USP6NL: variants seen among roughly 807,000 people sequenced by gnomAD.
USP6NL encodes the protein USP6 N-terminal like.
USP6NL carries 26 observed loss-of-function variants against 61.9 expected under a neutral mutation model. The observed-to-expected ratio is 0.42, with a 90% CI of 0.31 to 0.58. The LOEUF (loss-of-function observed/expected upper bound fraction) is 0.58, where lower values mean the gene tolerates loss of function less well. USP6NL is among the 20% of genes least tolerant of loss of function. The probability of loss-of-function intolerance (pLI) is 0.16; values close to 1 mark genes in which losing one functional copy is unlikely to be tolerated. For missense variants in USP6NL, 1,114 were observed against 1,034.3 expected, an observed-to-expected ratio of 1.08 and a Z score of -1.06; for synonymous variants, 432 against 390.1, an observed-to-expected ratio of 1.11 and a Z score of -1.27.
intron 1 of USP6NL, among the ~76,000 whole-genome samples, chr10:11,599,800 C>T (rs1838454195): frequency 6.7e-6 from 1 of 148,930 alleles, no homozygotes; most frequent in African/African-American, 2.5e-5. Context: ...GCTGGGACTA[C>T]AGGGACCTGC....
chr10:11,543,231 C>A (rs952252468), intron 2 of USP6NL, among the ~76,000 whole-genome samples: 13 of 152,052 alleles, frequency 8.5e-5, no homozygotes, highest in African/African-American at 3.1e-4. Flanking sequence ...ATATATATTT[C>A]TTCAATATTA....
intron 2 of USP6NL, among the ~76,000 whole-genome samples, chr10:11,588,857 C>T (rs1365180547): frequency 6.6e-6 from 1 of 152,102 alleles, no homozygotes; most frequent in Non-Finnish European, 1.5e-5. Flanking sequence ...CATGTGAGAA[C>T]CAAATTCCTT....
At position 11,510,847 on chromosome 10, in the gene USP6NL, G is replaced by T. The variant is rs971605753; in HGVS notation, c.196-1172C>A. Among the ~76,000 whole-genome samples the T allele has an allele frequency of 6.6e-6, 1 of 152,218 alleles. No homozygotes were observed. Among genetic ancestry groups the T allele is most frequent in the Non-Finnish European group, 1.5e-5 (1 of 68,030 alleles). On this transcript the variant is annotated intron_variant, in intron 5 of 14. Transcript: ENST00000609104. The surrounding 1 kb of genome is among the most constrained non-coding windows in gnomAD (Gnocchi z 4.8). ...CCCCTCTCATAAGTGGTAGAAGACG[G>T]ATTCAAAGCCAGGCAAGCCTGGCTC...
chr10:11,593,686 C>A (rs1431334889), intron 2 of USP6NL, among the ~76,000 whole-genome samples: 1 of 152,162 alleles, frequency 6.6e-6, no homozygotes, highest in African/African-American at 2.4e-5. Context: ...AGCCTCAGAA[C>A]GTGATAGCCT....
chr10:11,567,574 GTTAT>G (rs1283808480), intron 2 of USP6NL, among the ~76,000 whole-genome samples: 1 of 152,158 alleles, frequency 6.6e-6, no homozygotes, highest in East Asian at 1.9e-4. Flanking sequence ...AGCTGACACA[GTTAT>G]AGAAATTAAC....
intron 2 of USP6NL, among the ~76,000 whole-genome samples, chr10:11,579,963 C>T (rs56044668): frequency 3.9e-5 from 4 of 102,284 alleles, no homozygotes; most frequent in Non-Finnish European, 8.5e-5. Context: ...TGGAGAGTGG[C>T]GGGGGGGGGG....
intron 8 of USP6NL, among the ~76,000 whole-genome samples, chr10:11,492,331 C>T (rs1833738486): frequency 6.6e-6 from 1 of 152,228 alleles, no homozygotes; most frequent in South Asian, 2.1e-4. Context: ...AAACACTGAT[C>T]TAGGTGTCAC....
chr10:11,536,208 AC>A (rs1566165446), intron 2 of USP6NL, among the ~76,000 whole-genome samples: 1 of 152,184 alleles, frequency 6.6e-6, no homozygotes, highest in Non-Finnish European at 1.5e-5. Flanking sequence ...AAGCCACCCT[AC>A]CACTGGTGGT....
chr10:11,519,659 T>TA (rs1430597515), intron 4 of USP6NL, among the ~76,000 whole-genome samples: 1 of 152,000 alleles, frequency 6.6e-6, no homozygotes, highest in African/African-American at 2.4e-5. Flanking sequence ...AATAAATAAA[T>TA]AAGAATGCTT....
At position 11,537,157 on chromosome 10, in the gene USP6NL, C is replaced by A. The variant is rs957738121; in HGVS notation, c.5-9590G>T. ...ACAAGGTCTCACTCTGCCGCCCAGA[C>A]TGGAGTGCAGTGGCACGATCACAGT... On this transcript the variant is annotated intron_variant, in intron 2 of 14. Transcript: ENST00000609104. The surrounding 1 kb of genome is among the most constrained non-coding windows in gnomAD (Gnocchi z 5.1). Among the ~76,000 whole-genome samples, 2 of 152,214 alleles carry A rather than the reference C, an allele frequency of 1.3e-5. No individual in the cohort carries two copies. The highest frequency in any genetic ancestry group is 4.8e-5 in the African/African-American group (2 of 41,448).
intron 14 of USP6NL, among the ~76,000 whole-genome samples, chr10:11,472,303 C>T (rs180691940): frequency 6.6e-6 from 1 of 152,326 alleles, no homozygotes; most frequent in East Asian, 1.9e-4. Context: ...AGGCTTGTCC[C>T]TGCTTGATCT....
In USP6NL at chr10:11,596,616, T is replaced by A. The variant is rs1405546491; in HGVS notation, c.4+1015A>T. Among the ~76,000 whole-genome samples, 3 of 137,630 alleles carry A rather than the reference T, an allele frequency of 2.2e-5. No homozygotes were observed. The Admixed American group carries it at 2.2e-4, about 10-fold the overall frequency. 90.3% of individuals were successfully genotyped at this position (137,630 alleles called of 152,430 possible). A position where few individuals can be genotyped will look rare whatever the true frequency, so the allele number is the denominator to read the frequency against. ...TGCAGCCTGGGCGACAGAGGGAGACTCCGTCTCAAAAAAAAAAAAAAAAAC... is the reference window on the plus strand; with the variant it reads ...TGCAGCCTGGGCGACAGAGGGAGACACCGTCTCAAAAAAAAAAAAAAAAAC... On this transcript the variant is annotated intron_variant, in intron 2 of 14. Transcript: ENST00000609104. The surrounding 1 kb of genome is among the most constrained non-coding windows in gnomAD (Gnocchi z 4.1).
intron 2 of USP6NL, among the ~76,000 whole-genome samples, chr10:11,560,009 T>A (rs1165999627): frequency 6.6e-6 from 1 of 152,186 alleles, no homozygotes; most frequent in East Asian, 1.9e-4. Flanking sequence ...TCTAAGGAGA[T>A]TATAAAAGAT....
In USP6NL at chr10:11,474,557, G is replaced by C. The variant is rs1471042471; in HGVS notation, c.1078+7213C>G. 6.6e-6 allele frequency among the ~76,000 whole-genome samples: 1 copy of C among 152,152 alleles called. No individual in the cohort carries two copies. Among genetic ancestry groups the C allele is most frequent in the East Asian group, 1.9e-4 (1 of 5,204 alleles). ...TAGACGAGAATGTTAAAATTTGCCA[G>C]ATTTTAAAATACTATACTAACTTTT... On this transcript the variant is annotated intron_variant, in intron 14 of 14. Coordinates refer to ENST00000609104, the MANE Select transcript of USP6NL (RefSeq NM_014688.5). The surrounding 1 kb of genome is among the most constrained non-coding windows in gnomAD (Gnocchi z 4.9).
At position 11,562,764 on chromosome 10, in the gene USP6NL, A is replaced by G. The variant is rs372623247; in HGVS notation, c.4+34867T>C. ...ACGTGGAATTCCACACAGTACAATC[A>G]TAAGTGAATTGCCTAATTTCTCAGT... On this transcript the variant is annotated intron_variant, in intron 2 of 14. Coordinates refer to ENST00000609104, the MANE Select transcript of USP6NL (RefSeq NM_014688.5). This position sits in a 1 kb window ranked among gnomAD's most constrained non-coding sequence, Gnocchi z 4.8. 1.0e-6 allele frequency: 1 copy of G among 985,214 alleles called. No homozygotes were observed. Among genetic ancestry groups the G allele is most frequent in the South Asian group, 4.7e-5 (1 of 21,288 alleles). The allele number at this position is 985,214 out of a possible 1,614,324, so 61.0% of individuals were successfully genotyped here. A position where few individuals can be genotyped will look rare whatever the true frequency, so the allele number is the denominator to read the frequency against.
intron 5 of USP6NL, among the ~76,000 whole-genome samples, chr10:11,516,583 C>A (rs1305074368): frequency 2.0e-5 from 3 of 152,058 alleles, no homozygotes; most frequent in Non-Finnish European, 4.4e-5. Flanking sequence ...TTTAAAGAAA[C>A]CAAAACTGTA....
chr10:11,505,358 C>T (rs1219118838), intron 6 of USP6NL, among the ~76,000 whole-genome samples: 2 of 152,110 alleles, frequency 1.3e-5, no homozygotes, highest in Non-Finnish European at 2.9e-5. Context: ...TGTAATATTA[C>T]TGCATCCCTA....
chr10:11,498,373 C>T (rs1407843076), intron 7 of USP6NL, among the ~76,000 whole-genome samples: 2 of 149,044 alleles, frequency 1.3e-5, no homozygotes, highest in Non-Finnish European at 3.0e-5. Flanking sequence ...AGGTACACTG[C>T]TAAATGCAAG....
Position 11,546,552 on chromosome 10 carries a change from C to T in USP6NL, c.5-18985G>A, listed in dbSNP as rs747061706. On this transcript the variant is annotated intron_variant, in intron 2 of 14. Coordinates refer to ENST00000609104, the MANE Select transcript of USP6NL (RefSeq NM_014688.5). Reference sequence around the variant, plus strand: ...AAGTAGCTGGGACTACAGGTGCCCGCCACCATGTCCGGCTAATTGTTGTTG... The same window carrying T: ...AAGTAGCTGGGACTACAGGTGCCCGTCACCATGTCCGGCTAATTGTTGTTG... Among the ~76,000 whole-genome samples, 18 of 150,624 alleles carry T rather than the reference C, an allele frequency of 1.2e-4. No homozygotes were observed. In the East Asian group the frequency reaches 2.8e-3, roughly 24 times the overall value.
Sources: allele counts gnomAD v4.1 joint callset (sites outside exome capture counted in the v4.1 genomes callset), GRCh38; gene constraint gnomAD v4.1.1; non-coding constraint Gnocchi (gnomAD v3.1); transcripts MANE v1.5; gene names NCBI Gene and HGNC (gene_info 2026-07-23, HGNC 2026-07-21).